Variants in IDO2 observed in about 807,000 individuals in gnomAD.
The protein encoded by IDO2 is indoleamine 2,3-dioxygenase 2, also known as indoleamine 2,3-dioxygenase-like 1 protein.
In IDO2, 46 loss-of-function variants were observed where a neutral mutation model predicts 45.1. The observed-to-expected ratio is 1.02, with a 90% confidence interval of 0.80 to 1.30. The LOEUF (loss-of-function observed/expected upper bound fraction) is 1.30, where lower values mean the gene tolerates loss of function less well. Ranked by LOEUF, IDO2 falls within the 50% of genes most tolerant of loss-of-function variation. The pLI is 0.00. For missense variants in IDO2, 544 were observed against 491.8 expected, an observed-to-expected ratio of 1.11 and a Z score of -1.00; for synonymous variants, 218 against 184.9, an observed-to-expected ratio of 1.18 and a Z score of -1.45.
chr8:39,988,741 A>G (rs1394467209), intron 7 of IDO2, among the ~76,000 whole-genome samples: 1 of 152,086 alleles, frequency 6.6e-6, no homozygotes, highest in African/African-American at 2.4e-5. Context: ...TGATAAGCAT[A>G]TGTTGAGCAC....
intron 8 of IDO2, among the ~76,000 whole-genome samples, chr8:40,001,514 C>G (rs1478457549): frequency 1.3e-5 from 2 of 152,008 alleles, no homozygotes; most frequent in East Asian, 3.9e-4. Context: ...TCCCAAAGTG[C>G]TGGGATTACA....
intron 6 of IDO2, chr8:39,985,884 G>A (rs1808414719): frequency 5.5e-6 from 1 of 181,216 alleles, no homozygotes; most frequent in Non-Finnish European, 1.1e-5. Flanking sequence ...AGGTTGGAGT[G>A]CAGTGGTGTG....
chr8:39,976,875 A>AAATTAT (rs1808266975), intron 3 of IDO2, among the ~76,000 whole-genome samples: 1 of 152,204 alleles, frequency 6.6e-6, no homozygotes, highest in African/African-American at 2.4e-5. Flanking sequence ...TAGACTTTTA[A>AAATTAT]TACACCTGTC....
chr8:40,012,840 C>T (rs376652729), intron 9 of IDO2, among the ~76,000 whole-genome samples: 2 of 152,144 alleles, frequency 1.3e-5, no homozygotes, highest in Non-Finnish European at 2.9e-5. Flanking sequence ...TCTGCATGTC[C>T]CTGACTTCAG....
At chr8:39,980,958 G>A (rs1205777178) in intron 4 of IDO2, among the ~76,000 whole-genome samples, 3 of 151,758 alleles carry the variant, frequency 2.0e-5, no homozygotes, top group Admixed American at 2.0e-4. Flanking sequence ...CACCACGTTG[G>A]CCAGGCTGAT....
chr8:39,998,466 A>T (rs1187562712), intron 8 of IDO2: 1 of 152,102 alleles, frequency 6.6e-6, no homozygotes. Flanking sequence ...GTGCAGAAGC[A>T]CGTGTCATAC....
At chr8:39,945,345 T>A (rs1807714122) in intron 1 of IDO2, among the ~76,000 whole-genome samples, 2 of 152,244 alleles carry the variant, frequency 1.3e-5, no homozygotes, top group Non-Finnish European at 1.5e-5. Flanking sequence ...TGCCCCTTCA[T>A]GGGACCTACA....
chr8:39,964,185 T>G (rs1011708084), intron 3 of IDO2, among the ~76,000 whole-genome samples: 2 of 152,224 alleles, frequency 1.3e-5, no homozygotes, highest in African/African-American at 4.8e-5. Context: ...AATAAGCCTG[T>G]AAATTCCACA....
chr8:39,991,082 G>T (rs1462029799), intron 8 of IDO2, among the ~76,000 whole-genome samples: 1 of 152,092 alleles, frequency 6.6e-6, no homozygotes, highest in Non-Finnish European at 1.5e-5. Context: ...GGAGAAAGAC[G>T]CTAGGTACTG....
intron 2 of IDO2, among the ~76,000 whole-genome samples, chr8:39,955,032 G>A (rs921684659): frequency 1.3e-5 from 2 of 150,642 alleles, no homozygotes; most frequent in Admixed American, 6.7e-5. Flanking sequence ...CACCCTAAAG[G>A]CCTCATTTCA....
chr8:40,004,361 G>C lies in IDO2; in HGVS notation c.668-966G>C, dbSNP rs189133336. Among the ~76,000 whole-genome samples the C allele has an allele frequency of 2.6e-5, 4 of 152,254 alleles. No homozygotes were observed. The East Asian group carries it at 7.7e-4, about 29-fold the overall frequency. ...TGGAAAAGGAAGCTGATGGTATGGAGATGTTATTATTTAGGTCTCACATAA... is the reference window on the plus strand; with the variant it reads ...TGGAAAAGGAAGCTGATGGTATGGACATGTTATTATTTAGGTCTCACATAA... On this transcript the variant is annotated intron_variant, in intron 8 of 10. Transcript: ENST00000502986.
intron 2 of IDO2, among the ~76,000 whole-genome samples, chr8:39,950,332 G>A (rs1047861288): frequency 2.0e-5 from 3 of 152,144 alleles, no homozygotes; most frequent in African/African-American, 7.2e-5. Context: ...AGGAGTTCAA[G>A]ACCAGGTTGA....
intron 1 of IDO2, among the ~76,000 whole-genome samples, chr8:39,940,843 T>A (rs1326761469): frequency 1.3e-5 from 2 of 151,326 alleles, no homozygotes; most frequent in Non-Finnish European, 2.9e-5. Context: ...CCTGATTTGA[T>A]CATTACACAT....
intron 8 of IDO2, among the ~76,000 whole-genome samples, chr8:39,992,189 A>G (rs1199862668): frequency 2.6e-5 from 4 of 152,180 alleles, no homozygotes; most frequent in Non-Finnish European, 4.4e-5. Context: ...CGTGTTGCCA[A>G]TAGAATGTAG....
rs1466603715 is a variant in IDO2, at chr8:39,955,648, C to T, written c.99+6384C>T. Among the ~76,000 whole-genome samples the T allele has an allele frequency of 3.9e-5, 6 of 152,032 alleles. No individual in the cohort carries two copies. In the South Asian group the frequency reaches 1.0e-3, roughly 26 times the overall value. ...ATGATCCATAGCTCTGAAGCTTAGA[C>T]TCGAATCTACCCATCCCGCAAGGAA... On this transcript the variant is annotated intron_variant, in intron 2 of 10. Transcript: ENST00000502986.
At chr8:39,957,100 C>T (rs1223418831) in intron 2 of IDO2, among the ~76,000 whole-genome samples, 1 of 144,548 alleles carries the variant, frequency 6.9e-6, no homozygotes, top group Non-Finnish European at 1.5e-5. Flanking sequence ...ATAATCCTCA[C>T]AATAGTCTTC....
At chr8:40,013,706 G>C in exon 10 of IDO2, 4 of 1,604,824 alleles carry the variant, frequency 2.5e-6, no homozygotes, top group Non-Finnish European at 3.4e-6. Flanking sequence ...GTCATAGCAA[G>C]GAAAGTGGTA....
chr8:39,998,387 G>C (rs1802081643), intron 8 of IDO2: 1 of 152,184 alleles, frequency 6.6e-6, no homozygotes, highest in South Asian at 2.1e-4. Context: ...CATTCATGCT[G>C]TCCTCACTGT....
At chr8:40,002,862 G>GA (rs1192879213) in intron 8 of IDO2, among the ~76,000 whole-genome samples, 1 of 152,040 alleles carries the variant, frequency 6.6e-6, no homozygotes, top group Non-Finnish European at 1.5e-5. Context: ...TTAATTTGGA[G>GA]AAAAATGACT....
Sources: allele counts gnomAD v4.1 joint callset (sites outside exome capture counted in the v4.1 genomes callset), GRCh38; gene constraint gnomAD v4.1.1; transcripts MANE v1.5; gene names NCBI Gene and HGNC (gene_info 2026-07-23, HGNC 2026-07-21).